PCTP: variants seen among roughly 807,000 people sequenced by gnomAD.
PCTP encodes START domain-containing protein 2.
PCTP carries 27 observed loss-of-function variants against 31.0 expected under a neutral mutation model. The observed-to-expected ratio is 0.87, with a 90% confidence interval of 0.64 to 1.20. PCTP has a LOEUF of 1.20. Among genes scored for constraint, PCTP ranks in the 50% most tolerant of loss-of-function variants. The pLI, the probability that PCTP is intolerant of heterozygous loss-of-function variation, is 0.00. For missense variants in PCTP, 287 were observed against 268.2 expected, an observed-to-expected ratio of 1.07 and a Z score of -0.49; for synonymous variants, 108 against 101.2, an observed-to-expected ratio of 1.07 and a Z score of -0.40.
intron 3 of PCTP, among the ~76,000 whole-genome samples, chr17:55,814,622 G>T (rs984606138): frequency 1.3e-5 from 2 of 152,206 alleles, no homozygotes; most frequent in Admixed American, 6.5e-5. Context: ...GAAGGTCAAG[G>T]GTTCAAGAAC....
At chr17:55,791,839 A>G (rs1184063089) in intron 3 of PCTP, among the ~76,000 whole-genome samples, 1 of 152,084 alleles carries the variant, frequency 6.6e-6, no homozygotes, top group Non-Finnish European at 1.5e-5. Flanking sequence ...TCATGCTGCT[A>G]TAAAGACACA....
the PCTP span, among the ~76,000 whole-genome samples, chr17:55,852,026 T>C: frequency 0.034 from 5,196 of 152,302 alleles, 253 homozygotes; most frequent in African/African-American, 0.12. Context: ...TTGAGTTAAA[T>C]CAAATTTGAT....
Position 55,791,394 on chromosome 17 carries a change from G to A in PCTP, c.317+3740G>A, listed in dbSNP as rs368671620. 6.8e-3 allele frequency among the ~76,000 whole-genome samples: 995 copies of A among 146,246 alleles called. 15 individuals carry two copies. Among genetic ancestry groups the A allele is most frequent in the African/African-American group, 0.021 (852 of 39,732 alleles). Reference sequence around the variant, plus strand: ...ACCTACAAAATGGGAGAAAATTTTCGCAACCTACTCATCTGACAAAGGGCT... The same window carrying A: ...ACCTACAAAATGGGAGAAAATTTTCACAACCTACTCATCTGACAAAGGGCT... On this transcript the variant is annotated intron_variant, in intron 3 of 3. Transcript: ENST00000572536.
At chr17:55,848,224 A>T in the PCTP span, among the ~76,000 whole-genome samples, 1 of 152,192 alleles carries the variant, frequency 6.6e-6, no homozygotes, top group Non-Finnish European at 1.5e-5. Context: ...ATAATGTTTG[A>T]TCAACTATCT....
downstream of PCTP, among the ~76,000 whole-genome samples, chr17:55,845,754 C>T (rs948267640): frequency 6.6e-6 from 1 of 152,002 alleles, no homozygotes; most frequent in African/African-American, 2.4e-5. Flanking sequence ...GAGGGCCGAG[C>T]CCCCCCGTGA....
chr17:55,837,286 T>C (rs932796315), intron 5 of PCTP, among the ~76,000 whole-genome samples: 2 of 152,194 alleles, frequency 1.3e-5, no homozygotes, highest in Admixed American at 1.3e-4. Context: ...TAAATGGGTT[T>C]GCATTGGTAA....
chr17:55,786,465 G>A (rs766566828), intron 2 of PCTP, among the ~76,000 whole-genome samples: 6 of 152,040 alleles, frequency 3.9e-5, no homozygotes, highest in African/African-American at 1.2e-4. Flanking sequence ...AAACTTGCAC[G>A]TTGTGCACAT....
At chr17:55,818,655 G>T (rs1913008646) in intron 3 of PCTP, among the ~76,000 whole-genome samples, 1 of 152,180 alleles carries the variant, frequency 6.6e-6, no homozygotes, top group South Asian at 2.1e-4. Context: ...TTGGGTACAG[G>T]AGTGAAAAGG....
At chr17:55,760,651 C>T (rs769852303) in intron 1 of PCTP, among the ~76,000 whole-genome samples, 7 of 152,196 alleles carry the variant, frequency 4.6e-5, no homozygotes, top group Admixed American at 2.0e-4. Context: ...TGATAATATT[C>T]ATCTTTCTCT....
rs17212068 is a variant in PCTP, at chr17:55,768,157, A to G, written c.259+705A>G. The stretch of plus-strand genomic sequence containing the variant: ...GAAAAAAATAAAATTAACTTCTACT[A>G]CATAGTGCTTCCTATTAAATTTTGG... On this transcript the variant is annotated intron_variant, in intron 2 of 5. Transcript: ENST00000268896. Among the ~76,000 whole-genome samples, 581 of 152,212 alleles carry G rather than the reference A, an allele frequency of 3.8e-3. 29 individuals are homozygous for G. In the East Asian group the frequency reaches 0.1, roughly 27 times the overall value.
At chr17:55,836,605 T>C (rs1439382789) in intron 5 of PCTP, among the ~76,000 whole-genome samples, 1 of 152,232 alleles carries the variant, frequency 6.6e-6, no homozygotes, top group Non-Finnish European at 1.5e-5. Context: ...AGCATTCTTC[T>C]CCTTAAAGTT....
intron 3 of PCTP, among the ~76,000 whole-genome samples, chr17:55,791,501 G>A: frequency 6.8e-6 from 1 of 146,690 alleles, no homozygotes. Flanking sequence ...CAAAGGACAT[G>A]AACAGACACT....
chr17:55,813,212 C>G (rs1912810438), intron 3 of PCTP, among the ~76,000 whole-genome samples: 1 of 152,150 alleles, frequency 6.6e-6, no homozygotes, highest in African/African-American at 2.4e-5. Flanking sequence ...TTCCTTTCCT[C>G]TCTTATTTAA....
chr17:55,783,337 A>G (rs1438368883), intron 2 of PCTP, among the ~76,000 whole-genome samples: 1 of 152,198 alleles, frequency 6.6e-6, no homozygotes, highest in Non-Finnish European at 1.5e-5. Flanking sequence ...GGGCTAGAAG[A>G]GAAGATCTTT....
chr17:55,768,119 A>G (rs534564347), intron 2 of PCTP, among the ~76,000 whole-genome samples: 38 of 151,034 alleles, frequency 2.5e-4, no homozygotes, highest in African/African-American at 8.9e-4. Flanking sequence ...ATTTTTATTT[A>G]TTCTTGCCAG....
At chr17:55,830,472 TC>T (rs2145078049) in intron 5 of PCTP, among the ~76,000 whole-genome samples, 1 of 152,330 alleles carries the variant, frequency 6.6e-6, no homozygotes, top group Admixed American at 6.5e-5. Flanking sequence ...AACTACTTTA[TC>T]ATTTTCTGCT....
At chr17:55,802,447 T>C (rs1300845239) in intron 3 of PCTP, among the ~76,000 whole-genome samples, 2 of 152,158 alleles carry the variant, frequency 1.3e-5, no homozygotes. Flanking sequence ...ATATCTCTAA[T>C]GAACATAGAT....
chr17:55,843,078 A>T (rs1215951741), downstream of PCTP, among the ~76,000 whole-genome samples: 1 of 152,232 alleles, frequency 6.6e-6, no homozygotes, highest in East Asian at 1.9e-4. Context: ...TATTACATGT[A>T]CCCAGTTCAT....
chr17:55,752,302 A>C (rs1909756703), intron 1 of PCTP, among the ~76,000 whole-genome samples: 1 of 152,060 alleles, frequency 6.6e-6, no homozygotes, highest in African/African-American at 2.4e-5. Flanking sequence ...AGGAATGAAA[A>C]CTCTGCCTGT....
Sources: gnomAD v4.1 joint callset for allele counts (sites outside exome capture counted in the v4.1 genomes callset) on GRCh38, gnomAD v4.1.1 for gene constraint, MANE v1.5 for transcripts, NCBI Gene and HGNC (gene_info 2026-07-23, HGNC 2026-07-21) for gene names.